Variants in P3H2 observed in about 807,000 individuals in gnomAD.
P3H2 encodes the protein prolyl 3-hydroxylase 2.
In P3H2, 80 loss-of-function variants were observed where a neutral mutation model predicts 87.0. The ratio of observed to expected loss-of-function variants is 0.92; its 90% CI spans 0.77 to 1.11. The LOEUF (loss-of-function observed/expected upper bound fraction) is 1.11. Ranked by LOEUF, P3H2 falls within the 50% of genes least tolerant of loss-of-function variation. The pLI, the probability that P3H2 is intolerant of heterozygous loss-of-function variation, is 0.00. For missense variants in P3H2, 1,001 were observed against 923.9 expected (o/e 1.08, Z -1.08); for synonymous variants, 367 against 359.3 (o/e 1.02, Z -0.24).
At position 190,094,846 on chromosome 3, in the gene P3H2, T is replaced by C. The variant is rs1469170424; in HGVS notation, c.480+25406A>G. On this transcript the variant is annotated intron_variant, in intron 1 of 14. Coordinates refer to ENST00000319332, the MANE Select transcript of P3H2 (RefSeq NM_018192.4). ...AAGAAACAAGACTCAGAGGTGTAAATGACTGGTCCAAAGTCAGGCAGCTAG... is the reference window on the plus strand; with the variant it reads ...AAGAAACAAGACTCAGAGGTGTAAACGACTGGTCCAAAGTCAGGCAGCTAG... 2.6e-5 allele frequency among the ~76,000 whole-genome samples: 4 copies of C among 152,312 alleles called. No individual in the cohort carries two copies. The East Asian group carries it at 7.7e-4, about 29-fold the overall frequency.
At chr3:190,060,543 A>AT (rs1417577315) in intron 1 of P3H2, among the ~76,000 whole-genome samples, 1 of 152,108 alleles carries the variant, frequency 6.6e-6, no homozygotes, top group South Asian at 2.1e-4. Flanking sequence ...CCAATTTTAT[A>AT]TTTTTTAATA....
chr3:190,064,559 CAT>C (rs1560385167), intron 1 of P3H2, among the ~76,000 whole-genome samples: 1 of 152,018 alleles, frequency 6.6e-6, no homozygotes, highest in African/African-American at 2.4e-5. Flanking sequence ...TGTGCATTCA[CAT>C]ATATATTTAT....
chr3:190,120,646 C>A lies in P3H2; in HGVS notation c.86G>T (p.Ser29Ile). 6.5e-7 allele frequency: 1 copy of A among 1,527,456 alleles called. No homozygotes were observed. The highest frequency in any genetic ancestry group is 1.2e-5 in the South Asian group (1 of 82,618). The allele number at this position is 1,527,456 out of a possible 1,614,324, so 94.6% of individuals were successfully genotyped here. A position where few individuals can be genotyped will look rare whatever the true frequency, so the allele number is the denominator to read the frequency against. Residue 29 changes from serine to isoleucine, a missense_variant, in exon 1 of 15, where the codon AGC becomes ATC. Transcript: ENST00000319332. ...PPPLWGGPPD[S>I]PRRELELEPG... ...CTCCAGCTCCAGCTCCCGGCGTGGGCTGTCCGGGGGGCCGCCCCACAGTGG... is the reference window on the plus strand; with the variant it reads ...CTCCAGCTCCAGCTCCCGGCGTGGGATGTCCGGGGGGCCGCCCCACAGTGG...
At chr3:189,984,851 C>A (rs933786592) in intron 6 of P3H2, among the ~76,000 whole-genome samples, 1 of 152,026 alleles carries the variant, frequency 6.6e-6, no homozygotes, top group Non-Finnish European at 1.5e-5. Context: ...GATATCCATC[C>A]TTTTGTCCAA....
At chr3:190,002,930 A>G (rs1437585074) in intron 1 of P3H2, among the ~76,000 whole-genome samples, 5 of 152,252 alleles carry the variant, frequency 3.3e-5, no homozygotes, top group Admixed American at 3.3e-4. Flanking sequence ...TAAAATTTCT[A>G]GCTTTGAAGA....
At chr3:190,014,934 A>C (rs942903035) in intron 1 of P3H2, among the ~76,000 whole-genome samples, 15 of 152,134 alleles carry the variant, frequency 9.9e-5, no homozygotes, top group African/African-American at 3.6e-4. Context: ...CTGTCGAGTG[A>C]CCTTAAGCAA....
Position 189,974,018 on chromosome 3 carries a change from CAAG to C in P3H2, c.1453-17_1453-15del, listed in dbSNP as rs752124972. ...AAGCATGATTCCCTGGAAGCAAATA[CAAG>C]AAGATACGTCATCAATGATAACTAT... On this transcript the variant is annotated splice_polypyrimidine_tract_variant and intron_variant, in intron 9 of 14. Coordinates refer to ENST00000319332, the MANE Select transcript of P3H2 (RefSeq NM_018192.4). 1.9e-6 allele frequency: 3 copies of C among 1,591,738 alleles called. No individual in the cohort carries two copies. The South Asian group carries it at 3.3e-5, about 18-fold the overall frequency.
chr3:190,089,901 C>T (rs1490254009), intron 1 of P3H2, among the ~76,000 whole-genome samples: 1 of 152,088 alleles, frequency 6.6e-6, no homozygotes, highest in Non-Finnish European at 1.5e-5. Context: ...CACCACATCA[C>T]ATTTTAGTCA....
chr3:190,081,777 A>G (rs1050270032), intron 1 of P3H2, among the ~76,000 whole-genome samples: 1 of 152,234 alleles, frequency 6.6e-6, no homozygotes, highest in Non-Finnish European at 1.5e-5. Flanking sequence ...ACTAAGTTAT[A>G]ATATGAAATG....
At chr3:190,044,920 T>G (rs896872485) in intron 1 of P3H2, among the ~76,000 whole-genome samples, 1 of 152,206 alleles carries the variant, frequency 6.6e-6, no homozygotes, top group Non-Finnish European at 1.5e-5. Flanking sequence ...TTAATATAGA[T>G]ACAACTTCTC....
At chr3:190,041,090 TCTATATATATATATATA>T (rs1431988736) in intron 1 of P3H2, among the ~76,000 whole-genome samples, 417 of 30,468 alleles carry the variant, frequency 0.014, 17 homozygotes, top group African/African-American at 0.043. Flanking sequence ...ACTCTCTCTC[TCTATATATATATATATA>T]CTATATATAT....
chr3:190,076,949 T>C (rs1013226117), intron 1 of P3H2, among the ~76,000 whole-genome samples: 1 of 152,210 alleles, frequency 6.6e-6, no homozygotes, highest in Non-Finnish European at 1.5e-5. Context: ...TAAATGCTGG[T>C]TTACACACAG....
chr3:189,983,468 C>A, intron 7 of P3H2: 1 of 272,470 alleles, frequency 3.7e-6, no homozygotes, highest in Admixed American at 4.7e-5. Context: ...TCAGAGTGTC[C>A]AATGGGGCCT....
chr3:190,085,097 G>A (rs995225938), intron 1 of P3H2, among the ~76,000 whole-genome samples: 9 of 152,078 alleles, frequency 5.9e-5, no homozygotes, highest in Admixed American at 3.3e-4. Flanking sequence ...AATTATTCTC[G>A]TGTTGCTTCT....
intron 8 of P3H2, among the ~76,000 whole-genome samples, chr3:189,976,526 C>G (rs1444778669): frequency 1.3e-5 from 2 of 152,168 alleles, no homozygotes; most frequent in African/African-American, 4.8e-5. Flanking sequence ...CTGGCCCTGC[C>G]CTTGACATAT....
chr3:189,968,284 A>G (rs837677), intron 13 of P3H2, among the ~76,000 whole-genome samples: 139,228 of 152,130 alleles, frequency 0.92, 63,775 homozygotes, highest in East Asian at 0.95. Context: ...GTGTGATGTT[A>G]CCCTCCGTGT....
In P3H2 at chr3:190,040,271, C is replaced by T. The variant is rs1370090857; in HGVS notation, c.481-44829G>A. 5.9e-5 allele frequency among the ~76,000 whole-genome samples: 9 copies of T among 152,266 alleles called. No homozygotes were observed. In the East Asian group the frequency reaches 1.4e-3, roughly 23 times the overall value. ...GGATGAAGATATTTGTAAAGCACCACCAGATATTTAAACAGTTTTTATTGG... is the reference window on the plus strand; with the variant it reads ...GGATGAAGATATTTGTAAAGCACCATCAGATATTTAAACAGTTTTTATTGG... On this transcript the variant is annotated intron_variant, in intron 1 of 14. Transcript: ENST00000319332.
At chr3:189,960,937 A>G (rs1722792436) in intron 14 of P3H2, among the ~76,000 whole-genome samples, 1 of 148,340 alleles carries the variant, frequency 6.7e-6, no homozygotes, top group Non-Finnish European at 1.5e-5. Context: ...ATATAAGGAA[A>G]ACAATCTTTT....
intron 1 of P3H2, among the ~76,000 whole-genome samples, chr3:190,038,485 T>TG (rs764209080): frequency 5.0e-4 from 12 of 24,014 alleles, no homozygotes; most frequent in South Asian, 1.6e-3. Context: ...AACTGCAGAA[T>TG]GAAAAAAAAA....
Sources: allele counts gnomAD v4.1 joint callset (sites outside exome capture counted in the v4.1 genomes callset), GRCh38; gene constraint gnomAD v4.1.1; transcripts MANE v1.5; gene names NCBI Gene and HGNC (gene_info 2026-07-23, HGNC 2026-07-21).